Variants in ASAP1 observed in about 807,000 individuals in gnomAD.
ASAP1 encodes ArfGAP with SH3 domain, ankyrin repeat and PH domain 1.
A neutral mutation model predicts 145.2 loss-of-function variants in ASAP1; 43 were observed. The observed-to-expected ratio is 0.30, with a 90% CI of 0.23 to 0.38. The LOEUF (loss-of-function observed/expected upper bound fraction) is 0.38. ASAP1 is among the 10% of genes least tolerant of loss of function. The pLI, the probability that ASAP1 is intolerant of heterozygous loss-of-function variation, is 1.00. For missense variants in ASAP1, 1,018 were observed against 1,355.3 expected, an observed-to-expected ratio of 0.75 and a Z score of 3.91; for synonymous variants, 546 against 515.5, an observed-to-expected ratio of 1.06 and a Z score of -0.80.
intron 3 of ASAP1, among the ~76,000 whole-genome samples, chr8:130,254,150 A>C (rs1819374207): frequency 6.6e-6 from 1 of 152,256 alleles, no homozygotes; most frequent in Non-Finnish European, 1.5e-5. Context: ...ACAAAAATGC[A>C]GCGCAGGAGC....
intron 23 of ASAP1, among the ~76,000 whole-genome samples, chr8:130,114,164 T>A (rs1392224603): frequency 6.6e-6 from 1 of 152,230 alleles, no homozygotes; most frequent in Non-Finnish European, 1.5e-5. Flanking sequence ...CATTCCTTAA[T>A]GACAGGCATA....
In ASAP1 at chr8:130,358,784, C is replaced by T. The variant is rs1450466404; in HGVS notation, c.60-641G>A. The stretch of plus-strand genomic sequence containing the variant: ...CCCCGCTCGCGCACAGCCCCTGGGG[C>T]CTGGCTCCGAAGCTGCCGCTCCCGA... On this transcript the variant is annotated intron_variant, in intron 2 of 29. Coordinates refer to ENST00000518721, the MANE Select transcript of ASAP1 (RefSeq NM_018482.4). This position sits in a 1 kb window ranked among gnomAD's most constrained non-coding sequence, Gnocchi z 4.1. 6.9e-6 allele frequency among the ~76,000 whole-genome samples: 1 copy of T among 145,748 alleles called. No homozygotes were observed. Among genetic ancestry groups the T allele is most frequent in the Non-Finnish European group, 1.5e-5 (1 of 66,124 alleles).
intron 3 of ASAP1, among the ~76,000 whole-genome samples, chr8:130,258,388 T>C (rs1015162196): frequency 6.6e-6 from 1 of 152,230 alleles, no homozygotes; most frequent in Non-Finnish European, 1.5e-5. Context: ...AGAAGTTAAA[T>C]GTACACTCTA....
At chr8:130,221,065 C>A (rs1206084491) in intron 4 of ASAP1, among the ~76,000 whole-genome samples, 1 of 152,064 alleles carries the variant, frequency 6.6e-6, no homozygotes, top group Non-Finnish European at 1.5e-5. Flanking sequence ...TATCACCGGT[C>A]TCTACCAAAA....
At chr8:130,214,925 G>C (rs1316473375) in intron 4 of ASAP1, among the ~76,000 whole-genome samples, 1 of 151,536 alleles carries the variant, frequency 6.6e-6, no homozygotes, top group Non-Finnish European at 1.5e-5. Context: ...TTTTGAGACA[G>C]AGTCTCACTC....
intron 2 of ASAP1, among the ~76,000 whole-genome samples, chr8:130,394,499 C>T (rs541963394): frequency 3.9e-5 from 6 of 152,266 alleles, no homozygotes; most frequent in African/African-American, 4.8e-5. Context: ...ATTTTAATGT[C>T]GTCCCGGTCC....
chr8:130,077,836 G>A (rs937418137), intron 26 of ASAP1, among the ~76,000 whole-genome samples: 4 of 152,020 alleles, frequency 2.6e-5, no homozygotes, highest in Non-Finnish European at 5.9e-5. Flanking sequence ...GGGCAACGGG[G>A]GAATATTGCT....
intron 9 of ASAP1, among the ~76,000 whole-genome samples, chr8:130,172,226 C>T (rs1813638529): frequency 6.6e-6 from 1 of 152,146 alleles, no homozygotes; most frequent in South Asian, 2.1e-4. Flanking sequence ...GGAACTGTTT[C>T]CTTTGCAGAG....
At chr8:130,426,934 C>G (rs1424141357) in intron 1 of ASAP1, among the ~76,000 whole-genome samples, 1 of 152,222 alleles carries the variant, frequency 6.6e-6, no homozygotes, top group African/African-American at 2.4e-5. Context: ...GGATTTTTCT[C>G]TGTCATGTTT....
intron 1 of ASAP1, among the ~76,000 whole-genome samples, chr8:130,406,204 A>G (rs769210489): frequency 1.3e-5 from 2 of 152,224 alleles, no homozygotes; most frequent in Non-Finnish European, 2.9e-5. Flanking sequence ...CTAAAGACAG[A>G]GCAAAGAACA....
intron 4 of ASAP1, among the ~76,000 whole-genome samples, chr8:130,230,784 TA>T (rs1214690026): frequency 1.3e-5 from 2 of 152,274 alleles, no homozygotes; most frequent in African/African-American, 4.8e-5. Flanking sequence ...CAAAAAAAGG[TA>T]AAATTTCCTA....
chr8:130,412,147 C>T (rs1586998037), intron 1 of ASAP1, among the ~76,000 whole-genome samples: 1 of 152,202 alleles, frequency 6.6e-6, no homozygotes, highest in African/African-American at 2.4e-5. Flanking sequence ...AAACAACAGC[C>T]CTTACAGGAT....
At chr8:130,306,853 T>C (rs1823025566) in intron 3 of ASAP1, among the ~76,000 whole-genome samples, 1 of 152,178 alleles carries the variant, frequency 6.6e-6, no homozygotes, top group African/African-American at 2.4e-5. Context: ...AATTAAAAAT[T>C]TAAGTATTTC....
intron 7 of ASAP1, among the ~76,000 whole-genome samples, chr8:130,184,201 T>C (rs1217840771): frequency 6.6e-6 from 1 of 152,202 alleles, no homozygotes; most frequent in Non-Finnish European, 1.5e-5. Context: ...TATAAAAATG[T>C]AAACACTGAA....
At position 130,128,008 on chromosome 8, in the gene ASAP1, G is replaced by A. The variant is rs756074243; in HGVS notation, c.1300C>T (p.Leu434=). 6 of 1,614,114 alleles carry A rather than the reference G, an allele frequency of 3.7e-6. No individual in the cohort carries two copies. The highest frequency in any genetic ancestry group is 5.1e-6 in the Non-Finnish European group (6 of 1,180,024). ...RGEQSAGENS[L]EDLTKAIIED... is the part of the protein sequence containing the mutation. ...ATAATGGCTTTTGTCAGGTCTTCCA[G>A]GCTGTTCTCTCCCGCACTCTGCTCT... The change falls in exon 16 of 30, where the codon CTG becomes TTG. Residue 434 remains leucine (L), a synonymous_variant. Coordinates refer to ENST00000518721, the MANE Select transcript of ASAP1 (RefSeq NM_018482.4).
chr8:130,179,288 A>G lies in ASAP1; in HGVS notation c.722T>C (p.Ile241Thr), dbSNP rs1586529655. The change falls in exon 9 of 30, where the codon ATA (isoleucine) becomes ACA (threonine). Residue 241 changes from isoleucine (I) to threonine (T), a missense_variant. Ile to Thr is a moderately conservative substitution (Grantham distance 89). Around this residue, in one of 9 missense-constraint regions of ASAP1, gnomAD observed 78 missense variants for 161.0 expected, o/e 0.48. Coordinates refer to ENST00000518721, the MANE Select transcript of ASAP1 (RefSeq NM_018482.4). ...CTTGCACTGTGCATGGTAATACTTTATAAGATTCTGCAGCAGATCCACACC... is the reference window on the plus strand; with the variant it reads ...CTTGCACTGTGCATGGTAATACTTTGTAAGATTCTGCAGCAGATCCACACC... ...KKGVDLLQNL[I>T]KYYHAQCNFF... is the part of the protein sequence containing the mutation. 5 of 1,608,276 alleles carry G rather than the reference A, an allele frequency of 3.1e-6. No homozygotes were observed. Among genetic ancestry groups the G allele is most frequent in the South Asian group, 2.2e-5 (2 of 90,920 alleles).
Position 130,415,530 on chromosome 8 carries a change from G to A in ASAP1, c.-27-13560C>T, listed in dbSNP as rs545204923. ...CAGCCAGGTGTGGTGGCTCAAGCCT[G>A]TAATCCCAGCACTTTGGGAGGCTGA... On this transcript the variant is annotated intron_variant, in intron 1 of 29. Coordinates refer to ENST00000518721, the MANE Select transcript of ASAP1 (RefSeq NM_018482.4). Among the ~76,000 whole-genome samples the A allele has an allele frequency of 2.7e-4, 41 of 152,242 alleles. 1 individual carries two copies. The highest frequency in any genetic ancestry group is 9.4e-4 in the African/African-American group (39 of 41,548).
intron 3 of ASAP1, among the ~76,000 whole-genome samples, chr8:130,327,353 T>C (rs1406632978): frequency 2.6e-5 from 4 of 152,198 alleles, no homozygotes; most frequent in African/African-American, 9.6e-5. Flanking sequence ...CAGCTCCAAC[T>C]GGACCTCAGT....
chr8:130,344,944 A>C (rs762271715), intron 3 of ASAP1, among the ~76,000 whole-genome samples: 8 of 152,218 alleles, frequency 5.3e-5, no homozygotes, highest in Non-Finnish European at 1.0e-4. Context: ...GTATTGTTTT[A>C]GTTACAAATT....
Sources: gnomAD v4.1 joint callset for allele counts (sites outside exome capture counted in the v4.1 genomes callset) on GRCh38, gnomAD v4.1.1 for gene constraint, gnomAD v4.1.1 regional missense constraint, Gnocchi (gnomAD v3.1) non-coding constraint, MANE v1.5 for transcripts, NCBI Gene and HGNC (gene_info 2026-07-23, HGNC 2026-07-21) for gene names.